TMEM182: variants seen among roughly 807,000 people sequenced by gnomAD.
The protein encoded by TMEM182 is transmembrane protein 182.
Under a neutral mutation model 26.8 loss-of-function variants are expected in TMEM182, and 20 were observed. The observed-to-expected ratio is 0.75, with a 90% confidence interval of 0.53 to 1.09. TMEM182 has a LOEUF of 1.09. Among genes scored for constraint, TMEM182 ranks in the 50% least tolerant of loss-of-function variants. The pLI is 0.00. For missense variants in TMEM182, 277 were observed against 275.5 expected (o/e 1.01, Z -0.04); for synonymous variants, 109 against 102.2 (o/e 1.07, Z -0.40).
intron 3 of TMEM182, among the ~76,000 whole-genome samples, chr2:102,826,019 A>G (rs966940728): frequency 2.0e-5 from 3 of 152,216 alleles, no homozygotes; most frequent in Non-Finnish European, 4.4e-5. Context: ...AGTTAGTTGC[A>G]TGAATTAACA....
intron 3 of TMEM182, among the ~76,000 whole-genome samples, chr2:102,840,801 C>G (rs1487582013): frequency 6.6e-6 from 1 of 152,154 alleles, no homozygotes. Context: ...TTTTCTAGAT[C>G]TGCCACTGCA....
At chr2:102,838,359 A>G (rs935725735) in intron 3 of TMEM182, among the ~76,000 whole-genome samples, 2 of 152,178 alleles carry the variant, frequency 1.3e-5, no homozygotes, top group Admixed American at 6.5e-5. Flanking sequence ...TATTTTCACA[A>G]TGTGTGTAGC....
exon 1 of TMEM182, chr2:102,737,003 T>A (rs1679372153): frequency 3.3e-6 from 2 of 597,294 alleles, no homozygotes; most frequent in Middle Eastern, 4.5e-4. Flanking sequence ...ACTGGGCACA[T>A]CATCAATACG....
intron 4 of TMEM182, among the ~76,000 whole-genome samples, chr2:102,803,760 C>G (rs1332743757): frequency 6.6e-6 from 1 of 152,188 alleles, no homozygotes; most frequent in East Asian, 1.9e-4. Context: ...GATGTGGCGG[C>G]TGTCAGAGCA....
downstream of TMEM182, among the ~76,000 whole-genome samples, chr2:102,821,677 C>T (rs987565750): frequency 1.3e-5 from 2 of 152,204 alleles, no homozygotes; most frequent in African/African-American, 4.8e-5. Context: ...CTCAGTCTCT[C>T]ATCTCCTTTA....
chr2:102,747,592 C>T (rs1679740584), intron 1 of TMEM182, among the ~76,000 whole-genome samples: 1 of 152,114 alleles, frequency 6.6e-6, no homozygotes, highest in Non-Finnish European at 1.5e-5. Context: ...GAAAAGTGGT[C>T]TTCCCATGTT....
intron 4 of TMEM182, among the ~76,000 whole-genome samples, chr2:102,810,701 T>G (rs554892111): frequency 6.6e-6 from 1 of 152,274 alleles, no homozygotes; most frequent in East Asian, 1.9e-4. Context: ...TGATTCTGCC[T>G]CCAGTGAAAT....
intron 3 of TMEM182, among the ~76,000 whole-genome samples, chr2:102,771,754 T>A (rs1253721022): frequency 6.6e-6 from 1 of 152,146 alleles, no homozygotes; most frequent in East Asian, 1.9e-4. Flanking sequence ...GAACTCCTGA[T>A]GTGTACAGCA....
chr2:102,776,973 C>T (rs1680944340), intron 3 of TMEM182, among the ~76,000 whole-genome samples: 1 of 151,948 alleles, frequency 6.6e-6, no homozygotes, highest in Non-Finnish European at 1.5e-5. Flanking sequence ...GTTAAATTCT[C>T]TCAGTTTCTA....
intron 3 of TMEM182, among the ~76,000 whole-genome samples, chr2:102,826,588 T>C (rs1558793125): frequency 6.6e-6 from 1 of 152,196 alleles, no homozygotes; most frequent in Non-Finnish European, 1.5e-5. Flanking sequence ...ACTATTATTA[T>C]TATTCTAGTT....
chr2:102,797,535 TCTTTAGAAGCAAGAA>T (rs931997006), intron 3 of TMEM182, among the ~76,000 whole-genome samples: 1 of 152,168 alleles, frequency 6.6e-6, no homozygotes, highest in African/African-American at 2.4e-5. Context: ...ATGGGAGAAC[TCTTTAGAAGCAAGAA>T]CCTTAGGTCT....
chr2:102,779,895 C>T (rs567502230), intron 3 of TMEM182, among the ~76,000 whole-genome samples: 52 of 152,114 alleles, frequency 3.4e-4, no homozygotes, highest in African/African-American at 1.2e-3. Context: ...CCCAGCTACT[C>T]GGGAGGCTGA....
At chr2:102,775,101 G>A (rs1257661212) in intron 3 of TMEM182, 2 of 152,102 alleles carry the variant, frequency 1.3e-5, no homozygotes, top group Non-Finnish European at 2.9e-5. Context: ...TCTAATTCAT[G>A]GACACGGTTT....
intron 3 of TMEM182, among the ~76,000 whole-genome samples, chr2:102,784,479 AAGTT>A (rs1681306222): frequency 6.6e-6 from 1 of 152,154 alleles, no homozygotes; most frequent in Non-Finnish European, 1.5e-5. Flanking sequence ...AGCCAATGTT[AAGTT>A]AGTCAGTGAT....
At chr2:102,801,778 T>C (rs544201066) in intron 4 of TMEM182, among the ~76,000 whole-genome samples, 9 of 152,364 alleles carry the variant, frequency 5.9e-5, no homozygotes, top group Non-Finnish European at 1.0e-4. Flanking sequence ...TCCTAGCTTC[T>C]TAGATAGTGT....
chr2:102,802,196 G>A (rs1682170360), intron 4 of TMEM182, among the ~76,000 whole-genome samples: 1 of 152,188 alleles, frequency 6.6e-6, no homozygotes, highest in Admixed American at 6.5e-5. Flanking sequence ...ACCATTGCTG[G>A]GTATGTGCAC....
At chr2:102,751,607 A>G (rs1252210982) in intron 1 of TMEM182, among the ~76,000 whole-genome samples, 2 of 152,142 alleles carry the variant, frequency 1.3e-5, no homozygotes, top group Non-Finnish European at 2.9e-5. Context: ...CATTAAAAGG[A>G]AAACCTTACC....
chr2:102,831,767 A>AT (rs1405368534), intron 3 of TMEM182, among the ~76,000 whole-genome samples: 1 of 151,906 alleles, frequency 6.6e-6, no homozygotes, highest in African/African-American at 2.4e-5. Context: ...AAAAAAAAAA[A>AT]GAAAAAGAAG....
At chr2:102,822,130 A>G (rs1354660446), downstream of TMEM182, among the ~76,000 whole-genome samples, 1 of 152,200 alleles carries the variant, frequency 6.6e-6, no homozygotes, top group East Asian at 1.9e-4. Context: ...ATTATATGTC[A>G]ATAAATATTT....
Sources: allele counts gnomAD v4.1 joint callset (sites outside exome capture counted in the v4.1 genomes callset), GRCh38; gene constraint gnomAD v4.1.1; transcripts MANE v1.5; gene names NCBI Gene and HGNC (gene_info 2026-07-23, HGNC 2026-07-21).